The following FHIT variants were observed in gnomAD, a reference collection of about 807,000 sequenced individuals.
FHIT encodes bis(5'-adenosyl)-triphosphatase.
FHIT carries 19 observed loss-of-function variants against 17.9 expected under a neutral mutation model. The ratio of observed to expected loss-of-function variants is 1.06; its 90% confidence interval spans 0.74 to 1.56. FHIT has a LOEUF of 1.56. FHIT is among the 40% of genes most tolerant of loss of function. FHIT has a pLI of 0.00. For missense variants in FHIT, 248 were observed against 189.2 expected, an observed-to-expected ratio of 1.31 and a Z score of -1.82; for synonymous variants, 81 against 69.7, an observed-to-expected ratio of 1.16 and a Z score of -0.81.
intron 8 of FHIT, among the ~76,000 whole-genome samples, chr3:59,841,844 T>C (rs1009053612): frequency 1.3e-5 from 2 of 152,154 alleles, no homozygotes; most frequent in African/African-American, 2.4e-5. Context: ...GGGGTATCTA[T>C]AGAGTTGGGA....
At chr3:60,679,184 C>T (rs978375980) in intron 4 of FHIT, among the ~76,000 whole-genome samples, 1 of 151,926 alleles carries the variant, frequency 6.6e-6, no homozygotes, top group Non-Finnish European at 1.5e-5. Context: ...AGAAATCTGC[C>T]CTACTATTTC....
intron 4 of FHIT, among the ~76,000 whole-genome samples, chr3:60,799,680 G>A (rs1443980543): frequency 6.6e-6 from 1 of 152,036 alleles, no homozygotes; most frequent in African/African-American, 2.4e-5. Context: ...CTTTTTCGGG[G>A]CTACTTTTTT....
At chr3:60,570,439 G>C (rs1049317846) in intron 4 of FHIT, among the ~76,000 whole-genome samples, 40 of 152,222 alleles carry the variant, frequency 2.6e-4, no homozygotes, top group Admixed American at 2.6e-3. Flanking sequence ...TAAGAGTGTT[G>C]AGGTAGGAAA....
intron 5 of FHIT, among the ~76,000 whole-genome samples, chr3:60,293,562 A>G (rs2106671172): frequency 6.6e-6 from 1 of 152,232 alleles, no homozygotes; most frequent in African/African-American, 2.4e-5. Context: ...ACCTAACTAT[A>G]TGCTTTCTTC....
intron 4 of FHIT, among the ~76,000 whole-genome samples, chr3:60,646,578 A>T (rs2039863067): frequency 6.6e-6 from 1 of 152,200 alleles, no homozygotes; most frequent in Admixed American, 6.5e-5. Flanking sequence ...CAAAAAGAAT[A>T]TTTTAAAGAG....
chr3:60,577,673 A>G (rs1553658061), intron 4 of FHIT, among the ~76,000 whole-genome samples: 1 of 152,090 alleles, frequency 6.6e-6, no homozygotes, highest in Non-Finnish European at 1.5e-5. Context: ...GGCTTTCCTG[A>G]TTACTGAAAT....
intron 8 of FHIT, among the ~76,000 whole-genome samples, chr3:59,763,028 T>G (rs1701604145): frequency 6.6e-6 from 1 of 152,254 alleles, no homozygotes; most frequent in African/African-American, 2.4e-5. Context: ...AGTCATGTTC[T>G]GTAAGCCTTT....
At chr3:61,016,341 G>A (rs1045295660) in intron 3 of FHIT, among the ~76,000 whole-genome samples, 3 of 151,954 alleles carry the variant, frequency 2.0e-5, no homozygotes, top group Non-Finnish European at 2.9e-5. Context: ...TAGAAAACAG[G>A]GAACAACAAA....
At chr3:60,037,513 G>C (rs1283531631) in intron 5 of FHIT, among the ~76,000 whole-genome samples, 1 of 151,456 alleles carries the variant, frequency 6.6e-6, no homozygotes, top group Non-Finnish European at 1.5e-5. Flanking sequence ...CTCCTGAGTA[G>C]CTGGGACTAC....
intron 4 of FHIT, among the ~76,000 whole-genome samples, chr3:60,664,791 T>C (rs534660895): frequency 6.6e-6 from 1 of 151,836 alleles, no homozygotes; most frequent in East Asian, 1.9e-4. Context: ...AGTATTTTTA[T>C]TGTGTTTTAG....
intron 4 of FHIT, among the ~76,000 whole-genome samples, chr3:60,563,467 G>T (rs1054202187): frequency 2.2e-4 from 33 of 152,202 alleles, no homozygotes; most frequent in African/African-American, 8.0e-4. Context: ...TCAAAAAGTA[G>T]AAACGATAAA....
At chr3:61,197,181 A>G (rs75273171) in intron 2 of FHIT, among the ~76,000 whole-genome samples, 1,842 of 152,326 alleles carry the variant, frequency 0.012, 42 homozygotes, top group African/African-American at 0.042. Context: ...TAATAAACTG[A>G]TGTTATGCAT....
At chr3:60,000,164 G>A (rs1180989231) in intron 7 of FHIT, among the ~76,000 whole-genome samples, 1 of 152,164 alleles carries the variant, frequency 6.6e-6, no homozygotes, top group Admixed American at 6.5e-5. Flanking sequence ...CCTCCATGAT[G>A]ATGGGACTCC....
At chr3:60,960,828 A>G (rs1254916300) in intron 3 of FHIT, among the ~76,000 whole-genome samples, 2 of 152,196 alleles carry the variant, frequency 1.3e-5, no homozygotes, top group African/African-American at 4.8e-5. Flanking sequence ...AATCCAGTCT[A>G]TCATTGTTGG....
intron 8 of FHIT, among the ~76,000 whole-genome samples, chr3:59,790,217 T>C (rs1475387116): frequency 6.6e-6 from 1 of 152,212 alleles, no homozygotes; most frequent in African/African-American, 2.4e-5. Context: ...CAGATTTCCT[T>C]TGCTTCCATA....
At chr3:59,925,022 CT>C (rs1177445390) in intron 7 of FHIT, among the ~76,000 whole-genome samples, 6 of 132,482 alleles carry the variant, frequency 4.5e-5, no homozygotes, top group Admixed American at 8.8e-5. Context: ...GTTTTTTCCT[CT>C]TTTTTTTCCT....
rs201378958 is a variant in FHIT, at chr3:60,279,284, TTAGA to T, written c.103+257572_103+257575del. Reference sequence around the variant, plus strand: ...ACTCTGTGATCTCAAATTTGATAACTTAGATAAACAGAGGCAATTCCTTAAAAGA... The same window carrying T: ...ACTCTGTGATCTCAAATTTGATAACTTAAACAGAGGCAATTCCTTAAAAGA... On this transcript the variant is annotated intron_variant, in intron 5 of 9. Coordinates refer to ENST00000492590, the MANE Select transcript of FHIT (RefSeq NM_002012.4). 1.8e-4 allele frequency among the ~76,000 whole-genome samples: 28 copies of T among 152,148 alleles called. 1 individual carries two copies. In the East Asian group the frequency reaches 4.8e-3, roughly 26 times the overall value.
intron 8 of FHIT, among the ~76,000 whole-genome samples, chr3:59,787,481 AACACACACACACAC>A (rs58100812): frequency 0.016 from 2,273 of 142,236 alleles, 49 homozygotes; most frequent in African/African-American, 0.045. Context: ...CAAGGGGCAA[AACACACACACACAC>A]ACACACACAC....
chr3:60,971,533 T>G (rs1710011529), intron 3 of FHIT, among the ~76,000 whole-genome samples: 1 of 152,030 alleles, frequency 6.6e-6, no homozygotes, highest in East Asian at 1.9e-4. Flanking sequence ...TTTTTTTTTT[T>G]GCCCCCTTGC....
Sources: allele counts gnomAD v4.1 joint callset (sites outside exome capture counted in the v4.1 genomes callset), GRCh38; gene constraint gnomAD v4.1.1; transcripts MANE v1.5; gene names NCBI Gene and HGNC (gene_info 2026-07-23, HGNC 2026-07-21).